Variants in PTGIR observed in about 807,000 individuals in gnomAD.
PTGIR encodes the protein prostaglandin I2 receptor, also known as prostacyclin receptor.
PTGIR carries 16 observed loss-of-function variants against 17.6 expected under a neutral mutation model. The ratio of observed to expected loss-of-function variants is 0.91; its 90% CI spans 0.61 to 1.38. The LOEUF (loss-of-function observed/expected upper bound fraction) is 1.38. Ranked by LOEUF, PTGIR falls within the 40% of genes most tolerant of loss-of-function variation. PTGIR has a pLI of 0.00. For missense variants in PTGIR, 532 were observed against 548.6 expected, an observed-to-expected ratio of 0.97 and a Z score of 0.30; for synonymous variants, 274 against 255.4, an observed-to-expected ratio of 1.07 and a Z score of -0.69.
chr19:46,619,581 GAGAA>G (rs1289515251), downstream of PTGIR, among the ~76,000 whole-genome samples: 82 of 86,996 alleles, frequency 9.4e-4, no homozygotes, highest in Non-Finnish European at 1.3e-3. Flanking sequence ...GAGAGAGAGA[GAGAA>G]AGAAAGAAAA....
At chr19:46,612,901 C>T in the PTGIR span, among the ~76,000 whole-genome samples, 1 of 152,132 alleles carries the variant, frequency 6.6e-6, no homozygotes, top group Non-Finnish European at 1.5e-5. Context: ...ACCTCTGCCA[C>T]TTCAATAAAC....
chr19:46,619,407 A>G (rs1972006534), downstream of PTGIR, among the ~76,000 whole-genome samples: 1 of 151,622 alleles, frequency 6.6e-6, no homozygotes, highest in South Asian at 2.1e-4. Context: ...AGGCAGGGGA[A>G]TCACTTGAAC....
chr19:46,619,563 GAGAGAGAGA>G (rs1568675593), downstream of PTGIR, among the ~76,000 whole-genome samples: 29 of 109,990 alleles, frequency 2.6e-4, no homozygotes, highest in East Asian at 5.7e-4. Flanking sequence ...GAGAGAGAGA[GAGAGAGAGA>G]GAGAGAGAGA....
rs780478832 is a variant in PTGIR at position 46,621,437 on chromosome 19, G to T, written c.1004C>A (p.Ala335Asp). 7 of 1,613,466 alleles carry T rather than the reference G, an allele frequency of 4.3e-6. 1 individual carries two copies. In the Admixed American group the frequency reaches 1.2e-4, roughly 27 times the overall value. Residue 335 changes from alanine (A) to aspartate (D), a missense_variant, in exon 3 of 3, where the codon GCC (alanine) becomes GAC (aspartate). Physicochemically the swap from Ala to Asp is moderately radical, Grantham distance 126. Coordinates refer to ENST00000291294, the MANE Select transcript of PTGIR (RefSeq NM_000960.4). This position sits in a 1 kb window ranked among gnomAD's most constrained non-coding sequence, Gnocchi z 4.8. ...CTCCTTTCCCACAGGAGCAGAGGGGGCCCTTGGGTCCCTCCTCCCTGAGGC... is the reference window on the plus strand; with the variant it reads ...CTCCTTTCCCACAGGAGCAGAGGGGTCCCTTGGGTCCCTCCTCCCTGAGGC... ...QLASGRRDPRAPSAPVGKEGS... is the reference protein window; with the variant it reads ...QLASGRRDPRDPSAPVGKEGS...
chr19:46,613,520 C>A, the PTGIR span, among the ~76,000 whole-genome samples: 1 of 151,962 alleles, frequency 6.6e-6, no homozygotes, highest in African/African-American at 2.4e-5. Context: ...TTAGTAGAGA[C>A]GGGGTTTCAC....
intron 2 of PTGIR, 130 bp downstream of exon 2, chr19:46,623,328 A>C (rs2052752461): frequency 8.9e-7 from 1 of 1,128,748 alleles, no homozygotes. Context: ...CTGGGATTAC[A>C]GGCGTGAGCC....
Position 46,623,915 on chromosome 19 carries a change from A to G in PTGIR, c.311T>C (p.Leu104Pro). 1.2e-6 allele frequency: 2 copies of G among 1,605,292 alleles called. No individual in the cohort carries two copies. Among genetic ancestry groups the G allele is most frequent in the Non-Finnish European group, 1.7e-6 (2 of 1,175,692 alleles). ...AFAFAMTFFG[L>P]ASMLILFAMA... is the part of the protein sequence containing the mutation. Reference sequence around the variant, plus strand: ...GGCAAAGAGGATGAGCATGGACGCCAGGCCGAAGAAGGTCATGGCGAAGGC... The same window carrying G: ...GGCAAAGAGGATGAGCATGGACGCCGGGCCGAAGAAGGTCATGGCGAAGGC... The change falls in exon 2 of 3, where the codon CTG becomes CCG. Residue 104 changes from leucine to proline, a missense_variant. By Grantham distance (98) the Leu-to-Pro change is moderately conservative. Transcript: ENST00000291294.
downstream of PTGIR, among the ~76,000 whole-genome samples, chr19:46,615,856 C>T (rs1379730150): frequency 2.0e-5 from 3 of 151,774 alleles, no homozygotes; most frequent in Non-Finnish European, 4.4e-5. Context: ...GGCTGGAGTG[C>T]AGTGGTGTGA....
rs200455603 is a variant in PTGIR at position 46,620,644 on chromosome 19, C to G, written c.*636G>C. On this transcript the variant is annotated 3_prime_UTR_variant, in exon 3 of 3. Transcript: ENST00000291294. ...AGTTCTCATCTTGCAGCCAGTCAAG[C>G]TAGGTGGAATGTCTCAGGCCCTTTT... The G allele has an allele frequency of 4.1e-6, 4 of 985,792 alleles. No individual in the cohort carries two copies. The highest frequency in any genetic ancestry group is 4.8e-6 in the Non-Finnish European group (4 of 829,982). 61.1% of individuals were successfully genotyped at this position (985,792 alleles called of 1,614,324 possible). A position where few individuals can be genotyped will look rare whatever the true frequency, so the allele number is the denominator to read the frequency against.
downstream of PTGIR, among the ~76,000 whole-genome samples, chr19:46,616,326 C>CTTTTTTTTTTTTTTTTTT (rs1021116711): frequency 5.6e-4 from 37 of 66,546 alleles, 9 homozygotes; most frequent in African/African-American, 2.5e-3. Flanking sequence ...GACAGAAATG[C>CTTTTTTTTTTTTTTTTTT]TTTTTTTTTT....
the PTGIR span, among the ~76,000 whole-genome samples, chr19:46,612,192 C>G: frequency 1.3e-5 from 2 of 152,222 alleles, no homozygotes; most frequent in African/African-American, 4.8e-5. Flanking sequence ...TGAGCAAAAG[C>G]ACCTGCCTTA....
In PTGIR at chr19:46,623,746, T is replaced by TTGGCCC; in HGVS notation, c.474_479dup (p.Gly159_Gln160dup). 1 of 1,598,534 alleles carries TTGGCCC rather than the reference T, an allele frequency of 6.3e-7. No homozygotes were observed. ...AGCTGCCGGGGCAGTACTGCTGGTG[T>TTGGCCC]TGGCCCAGGCCCAGCAGGGGCAGCG... On this transcript the variant is annotated inframe_insertion, in exon 2 of 3. Transcript: ENST00000291294.
intron 1 of PTGIR, 44 bp from the exon 2 acceptor site, chr19:46,624,281 C>T: frequency 7.1e-7 from 1 of 1,405,450 alleles, no homozygotes; most frequent in Non-Finnish European, 9.2e-7. Flanking sequence ...GCCAGGGCTA[C>T]CCCCACCACC....
In PTGIR at chr19:46,622,102, C is replaced by T. The variant is rs73560715; in HGVS notation, c.769-430G>A. The T allele has an allele frequency of 1.6e-3, 1,612 of 985,444 alleles. 28 individuals are homozygous for T. The African/African-American group carries it at 0.026, about 16-fold the overall frequency. 61.0% of individuals were successfully genotyped at this position (985,444 alleles called of 1,614,324 possible). On this transcript the variant is annotated intron_variant, in intron 2 of 2. Transcript: ENST00000291294. The stretch of plus-strand genomic sequence containing the variant: ...AAAAAGATTTAAGGACCCCCCAATC[C>T]GGCCTGGCCTCTTGCATTTTACAGA...
chr19:46,621,618 G>A lies in PTGIR; in HGVS notation c.823C>T (p.Leu275Phe), dbSNP rs1295998556. 2 of 1,613,394 alleles carry A rather than the reference G, an allele frequency of 1.2e-6. No individual in the cohort carries two copies. Among genetic ancestry groups the A allele is most frequent in the Non-Finnish European group, 1.7e-6 (2 of 1,180,008 alleles). Residue 275 changes from leucine (L) to phenylalanine (F), a missense_variant, in exon 3 of 3, where the codon CTC becomes TTC. Physicochemically the swap from Leu to Phe is conservative, Grantham distance 22. Transcript: ENST00000291294. The surrounding 1 kb of genome is among the most constrained non-coding windows in gnomAD (Gnocchi z 4.8). ...AAGGCGTAGAAGCGGAAGGCAAGGAGGTCCCCCATCTCACTGCTGCTGTCA... is the reference window on the plus strand; with the variant it reads ...AAGGCGTAGAAGCGGAAGGCAAGGAAGTCCCCCATCTCACTGCTGCTGTCA... ...APDSSSEMGDLLAFRFYAFNP... is the reference protein window; with the variant it reads ...APDSSSEMGDFLAFRFYAFNP...
At chr19:46,623,144 G>A in intron 2 of PTGIR, 1 of 206,376 alleles carries the variant, frequency 4.8e-6, no homozygotes, top group Non-Finnish European at 9.6e-6. Context: ...ACTACGTCCG[G>A]CTACTTTTTA....
At position 46,621,323 on chromosome 19, in the gene PTGIR, G is replaced by A. The variant is rs768787228; in HGVS notation, c.1118C>T (p.Thr373Met). 11 of 1,521,022 alleles carry A rather than the reference G, an allele frequency of 7.2e-6. No individual in the cohort carries two copies. The East Asian group carries it at 9.1e-5, about 13-fold the overall frequency. 94.2% of individuals were successfully genotyped at this position (1,521,022 alleles called of 1,614,324 possible). A position where few individuals can be genotyped will look rare whatever the true frequency, so the allele number is the denominator to read the frequency against. Residue 373 changes from threonine (T) to methionine (M), a missense_variant, in exon 3 of 3, where the codon ACG becomes ATG. By Grantham distance (81) the Thr-to-Met change is moderately conservative (BLOSUM62 -1). Coordinates refer to ENST00000291294, the MANE Select transcript of PTGIR (RefSeq NM_000960.4). The surrounding 1 kb of genome is among the most constrained non-coding windows in gnomAD (Gnocchi z 4.8). ...GACGCTGGCTTCTGCTTTGGACGAC[G>A]TTCCCACGGCGCTGCCGCTGGACTG... ...TQQSSGSAVG[T>M]SSKAEASVAC...
rs1219080943 is a variant in PTGIR, at chr19:46,621,409, C to T, written c.1032G>A (p.Gly344=). 2 of 1,607,636 alleles carry T rather than the reference C, an allele frequency of 1.2e-6. No individual in the cohort carries two copies. Among genetic ancestry groups the T allele is most frequent in the Admixed American group, 1.7e-5 (1 of 59,608 alleles). The stretch of plus-strand genomic sequence containing the variant: ...CCCAAGCCGACAAAGGCACGCAGCT[C>T]CCCTCCTTTCCCACAGGAGCAGAGG... ...RAPSAPVGKE[G]SCVPLSAWGE... Residue 344 remains glycine, a synonymous_variant, in exon 3 of 3, where the codon GGG becomes GGA. Coordinates refer to ENST00000291294, the MANE Select transcript of PTGIR (RefSeq NM_000960.4). The surrounding 1 kb of genome is among the most constrained non-coding windows in gnomAD (Gnocchi z 4.8).
At chr19:46,616,624 A>T (rs1314608722), downstream of PTGIR, among the ~76,000 whole-genome samples, 1 of 151,964 alleles carries the variant, frequency 6.6e-6, no homozygotes, top group East Asian at 1.9e-4. Context: ...GAGCCACCGC[A>T]CCTGGCCAGA....
Sources: allele counts gnomAD v4.1 joint callset (sites outside exome capture counted in the v4.1 genomes callset), GRCh38; gene constraint gnomAD v4.1.1; non-coding constraint Gnocchi (gnomAD v3.1); transcripts MANE v1.5; gene names NCBI Gene and HGNC (gene_info 2026-07-23, HGNC 2026-07-21).